TXNL1: variants seen among roughly 807,000 people sequenced by gnomAD.
The protein encoded by TXNL1 is thioredoxin like 1.
TXNL1 carries 14 observed loss-of-function variants against 35.5 expected under a neutral mutation model. The ratio of observed to expected loss-of-function variants is 0.39; its 90% CI spans 0.26 to 0.62. The LOEUF (loss-of-function observed/expected upper bound fraction) is 0.62. Among genes scored for constraint, TXNL1 ranks in the 20% least tolerant of loss-of-function variants. The pLI, the probability that TXNL1 is intolerant of heterozygous loss-of-function variation, is 0.47. For missense variants in TXNL1, 263 were observed against 349.7 expected, an observed-to-expected ratio of 0.75 and a Z score of 1.98; for synonymous variants, 110 against 115.5, an observed-to-expected ratio of 0.95 and a Z score of 0.31.
chr18:56,618,592 G>T (rs1336358205), intron 3 of TXNL1, among the ~76,000 whole-genome samples: 1 of 151,166 alleles, frequency 6.6e-6, no homozygotes, highest in Non-Finnish European at 1.5e-5. Flanking sequence ...TAAATCCCAT[G>T]TATCCACCAC....
intron 3 of TXNL1, among the ~76,000 whole-genome samples, chr18:56,619,429 T>A (rs2024144273): frequency 6.7e-6 from 1 of 148,910 alleles, no homozygotes; most frequent in African/African-American, 2.5e-5. Context: ...TCCCAGCTAC[T>A]CGGGAAGCTG....
intron 6 of TXNL1, 96 bp from the exon 7 acceptor site, chr18:56,611,193 T>C: frequency 1.2e-6 from 1 of 845,722 alleles, no homozygotes; most frequent in Non-Finnish European, 1.8e-6. Flanking sequence ...ATAAATATTC[T>C]CCATTCTTTG....
In TXNL1 at chr18:56,598,945, A is replaced by C. The variant is rs1229332844; in HGVS notation, c.*4082T>G. On this transcript the variant is annotated 3_prime_UTR_variant, in exon 8 of 8. Transcript: ENST00000217515. The stretch of plus-strand genomic sequence containing the variant: ...GCCAGTATCTCCAAATGCGTGTCCA[A>C]TTATAAACCAACAGATCATGTTTTC... 1.3e-5 allele frequency: 2 copies of C among 152,216 alleles called. No homozygotes were observed. Among genetic ancestry groups the C allele is most frequent in the African/African-American group, 2.4e-5 (1 of 41,454 alleles). The allele number at this position is 152,216 out of a possible 1,614,324, so 9.4% of individuals were successfully genotyped here.
In TXNL1 at chr18:56,611,102, CA is replaced by C. The variant is rs770230712; in HGVS notation, c.736-6del. 90 of 1,576,168 alleles carry C rather than the reference CA, an allele frequency of 5.7e-5. No individual in the cohort carries two copies. The highest frequency in any genetic ancestry group is 1.7e-4 in the Middle Eastern group (1 of 5,986). On this transcript the variant is annotated splice_region_variant and splice_polypyrimidine_tract_variant and intron_variant, in intron 6 of 7. Coordinates refer to ENST00000217515, the MANE Select transcript of TXNL1 (RefSeq NM_004786.3). Reference sequence around the variant, plus strand: ...TTGATTCGACTGAACAAATATCTACCAAAAAAAAGTTTGCATTTATAATTAC... The same window carrying C: ...TTGATTCGACTGAACAAATATCTACCAAAAAAAGTTTGCATTTATAATTAC...
chr18:56,603,150 A>T, intron 7 of TXNL1, 94 bp from the exon 8 acceptor site: 1 of 1,161,548 alleles, frequency 8.6e-7, no homozygotes, highest in Non-Finnish European at 1.2e-6. Context: ...CCTTGGTATT[A>T]ATTTTTATCC....
chr18:56,634,019 C>G (rs975649224), intron 1 of TXNL1, among the ~76,000 whole-genome samples: 2 of 146,984 alleles, frequency 1.4e-5, no homozygotes, highest in African/African-American at 5.0e-5. Flanking sequence ...ATCATTCACA[C>G]TGTTTAATGG....
rs191653465 is a variant in TXNL1, at chr18:56,626,379, G to A, written c.177C>T (p.Val59=). 1.2e-5 allele frequency: 19 copies of A among 1,612,856 alleles called. No individual in the cohort carries two copies. The highest frequency in any genetic ancestry group is 3.3e-5 in the South Asian group (3 of 90,894). The change falls in exon 2 of 8, where the codon GTC becomes GTT. Residue 59 remains valine (V), a synonymous_variant. Transcript: ENST00000217515. ...NKYPQAVFLE[V]DVHQCQGTAA... ...CCCTTACCTGACACTGATGTACATCGACTTCCAAGAAAACAGCCTGTGGAT... is the reference window on the plus strand; with the variant it reads ...CCCTTACCTGACACTGATGTACATCAACTTCCAAGAAAACAGCCTGTGGAT...
At chr18:56,623,449 T>TA (rs1325900979) in intron 3 of TXNL1, among the ~76,000 whole-genome samples, 1 of 151,914 alleles carries the variant, frequency 6.6e-6, no homozygotes, top group East Asian at 1.9e-4. Flanking sequence ...AAAAAGATAT[T>TA]AACTTTAACT....
rs747052679 is a variant in TXNL1 at position 56,638,434 on chromosome 18, C to T, written c.7G>A (p.Gly3Arg). The T allele has an allele frequency of 2.5e-5, 40 of 1,612,490 alleles. No individual in the cohort carries two copies. The highest frequency in any genetic ancestry group is 1.6e-4 in the Middle Eastern group (1 of 6,074). MV[G>R]VKPVGSDPDF... ...GGGTCGCTCCCGACGGGCTTCACCC[C>T]CACCATCCTCACAGAGAGCCCGGCA... is the stretch of plus-strand genomic sequence containing the variant. The change falls in exon 1 of 8, where the codon GGG becomes AGG. Residue 3 changes from glycine to arginine, a missense_variant. Coordinates refer to ENST00000217515, the MANE Select transcript of TXNL1 (RefSeq NM_004786.3).
intron 1 of TXNL1, among the ~76,000 whole-genome samples, chr18:56,637,334 T>G (rs1466133424): frequency 6.6e-6 from 1 of 152,196 alleles, no homozygotes; most frequent in African/African-American, 2.4e-5. Flanking sequence ...TAAACAGTGA[T>G]ACCAGCAGTA....
chr18:56,603,106 TGA>T (rs1234437275), intron 7 of TXNL1, 50 bp from the exon 8 acceptor site: 11 of 1,460,684 alleles, frequency 7.5e-6, no homozygotes, highest in Non-Finnish European at 1.0e-5. Flanking sequence ...ATTTTAAATA[TGA>T]GTTATTAAAA....
intron 6 of TXNL1, 124 bp downstream of exon 6, chr18:56,614,300 T>G (rs1156734432): frequency 1.0e-5 from 8 of 777,792 alleles, no homozygotes; most frequent in African/African-American, 1.8e-5. Context: ...ATTAAACATT[T>G]TACTCATTTC....
At chr18:56,631,613 T>C (rs1160831018) in intron 1 of TXNL1, among the ~76,000 whole-genome samples, 1 of 152,202 alleles carries the variant, frequency 6.6e-6, no homozygotes, top group Non-Finnish European at 1.5e-5. Flanking sequence ...GCTAGCTTTC[T>C]ACAATGTATA....
At chr18:56,624,658 C>T (rs1004456818) in intron 2 of TXNL1, among the ~76,000 whole-genome samples, 197 bp from the exon 3 acceptor site, 2 of 152,162 alleles carry the variant, frequency 1.3e-5, no homozygotes, top group African/African-American at 2.4e-5. Context: ...TACCATCACA[C>T]ACACAATAAA....
chr18:56,637,490 C>G (rs1190378802), intron 1 of TXNL1, among the ~76,000 whole-genome samples: 1 of 152,214 alleles, frequency 6.6e-6, no homozygotes, highest in East Asian at 1.9e-4. Flanking sequence ...TGGTTCTCAA[C>G]GCCGAGTTCC....
rs924184650 is a variant in TXNL1 at position 56,598,372 on chromosome 18, A to C, written c.*4655T>G. On this transcript the variant is annotated 3_prime_UTR_variant, in exon 8 of 8. Transcript: ENST00000217515. ...TGGCAAGGTGTCATAGCAGCTGAGG[A>C]GGCGTGCACAATTGTTATGATTATT... is the stretch of plus-strand genomic sequence containing the variant. 1 of 152,202 alleles carries C rather than the reference A, an allele frequency of 6.6e-6. No individual in the cohort carries two copies. Among genetic ancestry groups the C allele is most frequent in the South Asian group, 2.1e-4 (1 of 4,830 alleles). The allele number at this position is 152,202 out of a possible 1,614,324, so 9.4% of individuals were successfully genotyped here. A position where few individuals can be genotyped will look rare whatever the true frequency, so the allele number is the denominator to read the frequency against.
chr18:56,608,589 A>G (rs2023939730), intron 7 of TXNL1: 1 of 152,142 alleles, frequency 6.6e-6, no homozygotes, highest in South Asian at 2.1e-4. Flanking sequence ...GGTCAACACT[A>G]TTTTCATAAT....
intron 3 of TXNL1, among the ~76,000 whole-genome samples, chr18:56,621,878 T>C (rs1295731294): frequency 2.0e-5 from 3 of 151,776 alleles, no homozygotes; most frequent in Non-Finnish European, 4.4e-5. Context: ...TGGGCACCTA[T>C]AATCCCAGCT....
chr18:56,601,134 C>T lies in TXNL1; in HGVS notation c.*1893G>A, dbSNP rs1429441202. 3.3e-5 allele frequency: 5 copies of T among 151,954 alleles called. No individual in the cohort carries two copies. The highest frequency in any genetic ancestry group is 7.4e-5 in the Non-Finnish European group (5 of 68,008). The allele number at this position is 151,954 out of a possible 1,614,324, so 9.4% of individuals were successfully genotyped here. A position where few individuals can be genotyped will look rare whatever the true frequency, so the allele number is the denominator to read the frequency against. ...ATACATATGTGTGTATATATATATACTGTTTTAGGAGAAAACAGCATTTCA... is the reference window on the plus strand; with the variant it reads ...ATACATATGTGTGTATATATATATATTGTTTTAGGAGAAAACAGCATTTCA... On this transcript the variant is annotated 3_prime_UTR_variant, in exon 8 of 8. Coordinates refer to ENST00000217515, the MANE Select transcript of TXNL1 (RefSeq NM_004786.3).
Sources: gnomAD v4.1 joint callset for allele counts (sites outside exome capture counted in the v4.1 genomes callset) on GRCh38, gnomAD v4.1.1 for gene constraint, MANE v1.5 for transcripts, NCBI Gene and HGNC (gene_info 2026-07-23, HGNC 2026-07-21) for gene names.